RFX3: variants seen among roughly 807,000 people sequenced by gnomAD.
RFX3 encodes transcription factor RFX3.
A neutral mutation model predicts 98.6 loss-of-function variants in RFX3; 14 were observed. That is an observed-to-expected ratio of 0.14 (90% CI 0.09 to 0.22). The LOEUF (loss-of-function observed/expected upper bound fraction) is 0.22, where lower values mean the gene tolerates loss of function less well. RFX3 is among the 10% of genes least tolerant of loss of function. The pLI, the probability that RFX3 is intolerant of heterozygous loss-of-function variation, is 1.00. For synonymous variants in RFX3, 383 were observed against 328.4 expected, an observed-to-expected ratio of 1.17 and a Z score of -1.80; for missense variants, 639 against 926.9, an observed-to-expected ratio of 0.69 and a Z score of 4.03.
chr9:3,454,502 T>C (rs1031757622), intron 1 of RFX3, among the ~76,000 whole-genome samples: 2 of 152,178 alleles, frequency 1.3e-5, no homozygotes, highest in African/African-American at 4.8e-5. Flanking sequence ...TAAAATCACA[T>C]CAAGCTACTT....
intron 2 of RFX3, among the ~76,000 whole-genome samples, chr9:3,350,813 C>T (rs564428264): frequency 5.3e-5 from 8 of 151,878 alleles, no homozygotes; most frequent in South Asian, 2.1e-4. Flanking sequence ...AACTTGAATG[C>T]GTATGACCAA....
At chr9:3,376,982 T>G (rs1476180619) in intron 2 of RFX3, among the ~76,000 whole-genome samples, 4 of 152,172 alleles carry the variant, frequency 2.6e-5, no homozygotes, top group Admixed American at 6.5e-5. Flanking sequence ...AGGAACACTT[T>G]TACACTGTTG....
At chr9:3,339,274 T>A (rs918712333) in intron 3 of RFX3, among the ~76,000 whole-genome samples, 11 of 152,094 alleles carry the variant, frequency 7.2e-5, no homozygotes, top group Non-Finnish European at 1.2e-4. Context: ...CATATATGAG[T>A]CACTTGCCCT....
chr9:3,326,355 G>T (rs928809581), intron 4 of RFX3, among the ~76,000 whole-genome samples: 2 of 152,096 alleles, frequency 1.3e-5, no homozygotes, highest in Admixed American at 1.3e-4. Flanking sequence ...AAGTTCAGGG[G>T]TATTTGTGCA....
chr9:3,459,938 C>T (rs1847537800), intron 1 of RFX3, among the ~76,000 whole-genome samples: 1 of 151,972 alleles, frequency 6.6e-6, no homozygotes, highest in Non-Finnish European at 1.5e-5. Context: ...GGGTGTAGTT[C>T]CTTTCTACTT....
At chr9:3,412,265 T>A (rs146663356) in intron 1 of RFX3, among the ~76,000 whole-genome samples, 1 of 152,290 alleles carries the variant, frequency 6.6e-6, no homozygotes, top group East Asian at 1.9e-4. Flanking sequence ...TCACAGACTC[T>A]AAGGTTGGAC....
In RFX3 at chr9:3,370,091, T is replaced by C. The variant is rs1333953534; in HGVS notation, c.118-23327A>G. ...CTCCTGACCTCGTGATCCGCCCGCC[T>C]CGGCCTCCCAGAGTGCTGGGATTAC... On this transcript the variant is annotated intron_variant, in intron 2 of 16. Transcript: ENST00000617270. Among the ~76,000 whole-genome samples the C allele has an allele frequency of 2.0e-5, 3 of 148,752 alleles. No individual in the cohort carries two copies. The Admixed American group carries it at 2.0e-4, about 10-fold the overall frequency.
At chr9:3,364,825 T>C (rs1367137702) in intron 2 of RFX3, 1 of 152,272 alleles carries the variant, frequency 6.6e-6, no homozygotes, top group East Asian at 1.9e-4. Flanking sequence ...TAGGACTGGG[T>C]CTTTTTAAGC....
At chr9:3,262,513 T>A (rs892304591) in intron 13 of RFX3, among the ~76,000 whole-genome samples, 1 of 152,198 alleles carries the variant, frequency 6.6e-6, no homozygotes, top group Non-Finnish European at 1.5e-5. Flanking sequence ...CTGCATGTCA[T>A]GGTACAAATT....
chr9:3,376,657 A>C (rs1021798723), intron 2 of RFX3, among the ~76,000 whole-genome samples: 1 of 152,164 alleles, frequency 6.6e-6, no homozygotes, highest in South Asian at 2.1e-4. Flanking sequence ...TGAACACGCA[A>C]CCTACAGAAT....
At chr9:3,388,431 C>T (rs1839947445) in intron 2 of RFX3, among the ~76,000 whole-genome samples, 1 of 152,026 alleles carries the variant, frequency 6.6e-6, no homozygotes, top group Non-Finnish European at 1.5e-5. Context: ...GGATAATATG[C>T]TCAGTTTGCA....
chr9:3,476,011 A>G (rs1849215918), intron 1 of RFX3, among the ~76,000 whole-genome samples: 1 of 152,210 alleles, frequency 6.6e-6, no homozygotes, highest in African/African-American at 2.4e-5. Flanking sequence ...CAGGCATGAC[A>G]GACGGCTCAC....
chr9:3,304,374 G>A (rs1829028039), intron 4 of RFX3, among the ~76,000 whole-genome samples: 1 of 151,912 alleles, frequency 6.6e-6, no homozygotes, highest in African/African-American at 2.4e-5. Context: ...ATAAGGTTGT[G>A]TGCAAAAGAT....
rs967306089 is a variant in RFX3, at chr9:3,489,356, C to T, written c.-9+36391G>A. 41 of 893,608 alleles carry T rather than the reference C, an allele frequency of 4.6e-5. No individual in the cohort carries two copies. In the Admixed American group the frequency reaches 9.9e-4, roughly 22 times the overall value. The allele number at this position is 893,608 out of a possible 1,614,324, so 55.4% of individuals were successfully genotyped here. On this transcript the variant is annotated intron_variant, in intron 1 of 16. Coordinates refer to ENST00000617270, the MANE Select transcript of RFX3 (RefSeq NM_001282116.2). ...CCACCTATCCACCCCACCCTGACTC[C>T]TGCTTTTTTCACCTTTCTGAATGGC...
At chr9:3,364,820 C>G (rs1440401242) in intron 2 of RFX3, 1 of 152,206 alleles carries the variant, frequency 6.6e-6, no homozygotes, top group Non-Finnish European at 1.5e-5. Context: ...GGTCTTAGGA[C>G]TGGGTCTTTT....
At position 3,415,171 on chromosome 9, in the gene RFX3, TTATATATATATACACATACTCATA is replaced by T. The variant is rs1842879056; in HGVS notation, c.-8-19599_-8-19576del. Among the ~76,000 whole-genome samples, 6 of 136,806 alleles carry T rather than the reference TTATATATATATACACATACTCATA, an allele frequency of 4.4e-5. No individual in the cohort carries two copies. The South Asian group carries it at 1.3e-3, about 30-fold the overall frequency. 89.8% of individuals were successfully genotyped at this position (136,806 alleles called of 152,430 possible). ...TATATATATTCTTATATATATATAC[TTATATATATATACACATACTCATA>T]TATATATATATATACATACTCATAT... On this transcript the variant is annotated intron_variant, in intron 1 of 16. Transcript: ENST00000617270.
chr9:3,421,943 G>C (rs1843475712), intron 1 of RFX3, among the ~76,000 whole-genome samples: 1 of 151,786 alleles, frequency 6.6e-6, no homozygotes, highest in Non-Finnish European at 1.5e-5. Flanking sequence ...TCTGAAGCCA[G>C]AGACTGTGCT....
At chr9:3,299,090 T>C (rs1348343885) in intron 5 of RFX3, among the ~76,000 whole-genome samples, 2 of 151,766 alleles carry the variant, frequency 1.3e-5, no homozygotes, top group African/African-American at 4.8e-5. Flanking sequence ...AATTCTATAT[T>C]ATGCCCCATA....
chr9:3,301,293 C>G (rs1187197643), intron 5 of RFX3, among the ~76,000 whole-genome samples: 1 of 151,708 alleles, frequency 6.6e-6, no homozygotes, highest in Non-Finnish European at 1.5e-5. Context: ...TACATGGCAA[C>G]TTGTTACTAA....
Sources: gnomAD v4.1 joint callset for allele counts (sites outside exome capture counted in the v4.1 genomes callset) on GRCh38, gnomAD v4.1.1 for gene constraint, MANE v1.5 for transcripts, NCBI Gene and HGNC (gene_info 2026-07-23, HGNC 2026-07-21) for gene names.